Variants in EVC2 observed in about 807,000 individuals in gnomAD.
EVC2 encodes EvC ciliary complex subunit 2, also known as limbin.
EVC2 carries 148 observed loss-of-function variants against 149.3 expected under a neutral mutation model. The ratio of observed to expected loss-of-function variants is 0.99; its 90% CI spans 0.87 to 1.14. The LOEUF (loss-of-function observed/expected upper bound fraction) is 1.14. EVC2 is among the 50% of genes most tolerant of loss of function. EVC2 has a pLI of 0.00. For synonymous variants in EVC2, 776 were observed against 649.9 expected, an observed-to-expected ratio of 1.19 and a Z score of -2.95; for missense variants, 1,854 against 1,627.3, an observed-to-expected ratio of 1.14 and a Z score of -2.40.
intron 16 of EVC2, among the ~76,000 whole-genome samples, chr4:5,600,709 A>T (rs1713905641): frequency 6.6e-6 from 1 of 152,254 alleles, no homozygotes; most frequent in Non-Finnish European, 1.5e-5. Context: ...CCCAAGTCAC[A>T]GAAAATGTAG....
intron 16 of EVC2, among the ~76,000 whole-genome samples, chr4:5,612,059 A>C (rs1181343420): frequency 6.6e-6 from 1 of 152,232 alleles, no homozygotes; most frequent in Non-Finnish European, 1.5e-5. Context: ...CCAAGACGGA[A>C]TGTTAAATAT....
chr4:5,691,190 C>A, intron 4 of EVC2, 75 bp downstream of exon 4: 1 of 1,314,074 alleles, frequency 7.6e-7, no homozygotes, highest in South Asian at 1.2e-5. Flanking sequence ...TTCTTAAATA[C>A]ATGACTCTAA....
intron 5 of EVC2, among the ~76,000 whole-genome samples, chr4:5,688,806 G>A (rs1446471048): frequency 2.0e-5 from 3 of 152,134 alleles, no homozygotes; most frequent in African/African-American, 7.2e-5. Context: ...GTTAATTTTG[G>A]TGATCTGAGT....
At chr4:5,658,875 T>C (rs967969684) in intron 9 of EVC2, among the ~76,000 whole-genome samples, 2 of 152,172 alleles carry the variant, frequency 1.3e-5, no homozygotes, top group African/African-American at 2.4e-5. Context: ...AGCTAAAACA[T>C]GCTCGGCACT....
rs527571756 is a variant in EVC2 at position 5,631,946 on chromosome 4, T to C, written c.1557A>G (p.Glu519=). 6 of 1,614,210 alleles carry C rather than the reference T, an allele frequency of 3.7e-6. 1 individual carries two copies. The Admixed American group carries it at 8.3e-5, about 22-fold the overall frequency. Reference sequence around the variant, plus strand: ...GTCTGTGAGCTTTGGCAAAGTCTTCTTCTTGTTGCAAAGCGAGAGACTTCC... The same window carrying C: ...GTCTGTGAGCTTTGGCAAAGTCTTCCTCTTGTTGCAAAGCGAGAGACTTCC... ...HLRKSLALQQ[E]EDFAKAHRQL... The change falls in exon 11 of 22, where the codon GAA becomes GAG. Residue 519 remains glutamate, a synonymous_variant. Coordinates refer to ENST00000344408, the MANE Select transcript of EVC2 (RefSeq NM_147127.5).
rs1231370549 is a variant in EVC2 at position 5,637,447 on chromosome 4, C to T, written c.1470+3067G>A. Among the ~76,000 whole-genome samples the T allele has an allele frequency of 2.0e-5, 3 of 150,560 alleles. No homozygotes were observed. Among genetic ancestry groups the T allele is most frequent in the African/African-American group, 7.3e-5 (3 of 41,254 alleles). On this transcript the variant is annotated intron_variant, in intron 10 of 21. Coordinates refer to ENST00000344408, the MANE Select transcript of EVC2 (RefSeq NM_147127.5). This position sits in a 1 kb window ranked among gnomAD's most constrained non-coding sequence, Gnocchi z 4.4. ...CTACCTCACTGAGTTGTTGTGAACG[C>T]TAAAGAGAGTCAATGGGATGTGCTT...
the EVC2 span, among the ~76,000 whole-genome samples, chr4:5,536,740 C>T: frequency 2.9e-3 from 444 of 151,562 alleles, 1 homozygote; most frequent in Non-Finnish European, 5.1e-3. Context: ...GCAGAGATCA[C>T]GCCACTGCAC....
At chr4:5,552,061 T>G (rs768161538) in intron 21 of EVC2, among the ~76,000 whole-genome samples, 5 of 152,198 alleles carry the variant, frequency 3.3e-5, no homozygotes, top group Non-Finnish European at 7.3e-5. Context: ...CACCCCTCAT[T>G]CCTTTTTCCA....
chr4:5,641,039 C>T (rs766137861), intron 9 of EVC2, among the ~76,000 whole-genome samples: 9 of 152,016 alleles, frequency 5.9e-5, no homozygotes, highest in South Asian at 2.1e-4. Flanking sequence ...TTGTAAGGTA[C>T]CATGTGATGT....
rs1022895591 is a variant in EVC2 at position 5,679,665 on chromosome 4, C to T, written c.870+1595G>A. Reference sequence around the variant, plus strand: ...TAAGTTCTGGGATACATATGCAGAACGTGCAGGTTTGTTACATAGGTATAC... The same window carrying T: ...TAAGTTCTGGGATACATATGCAGAATGTGCAGGTTTGTTACATAGGTATAC... On this transcript the variant is annotated intron_variant, in intron 7 of 21. Transcript: ENST00000344408. This position sits in a 1 kb window ranked among gnomAD's most constrained non-coding sequence, Gnocchi z 5.1. 3.3e-5 allele frequency among the ~76,000 whole-genome samples: 5 copies of T among 151,800 alleles called. No homozygotes were observed. The highest frequency in any genetic ancestry group is 9.7e-5 in the African/African-American group (4 of 41,318).
intron 17 of EVC2, among the ~76,000 whole-genome samples, chr4:5,582,653 G>A (rs1711905100): frequency 6.6e-6 from 1 of 152,180 alleles, no homozygotes; most frequent in Admixed American, 6.5e-5. Context: ...TGTTGGGAAG[G>A]CATGATTATA....
chr4:5,642,172 C>A (rs956502104), intron 9 of EVC2, among the ~76,000 whole-genome samples: 3 of 152,168 alleles, frequency 2.0e-5, no homozygotes, highest in African/African-American at 7.2e-5. Context: ...TTTTCTTTAT[C>A]CAGTCTATCA....
chr4:5,668,110 T>C (rs1223588328), intron 7 of EVC2, among the ~76,000 whole-genome samples: 1 of 152,240 alleles, frequency 6.6e-6, no homozygotes, highest in Non-Finnish European at 1.5e-5. Context: ...ATTAGTTTAA[T>C]TCAAAATGGC....
chr4:5,621,383 T>C (rs1462710876), intron 14 of EVC2, among the ~76,000 whole-genome samples: 7 of 152,214 alleles, frequency 4.6e-5, no homozygotes, highest in Non-Finnish European at 1.0e-4. Context: ...ATGATTTGAT[T>C]TAGTTTTTGT....
chr4:5,698,730 G>C (rs894000322), intron 1 of EVC2, among the ~76,000 whole-genome samples: 1 of 152,250 alleles, frequency 6.6e-6, no homozygotes, highest in African/African-American at 2.4e-5. Context: ...CCAGTCTACA[G>C]TAATGAGATA....
At chr4:5,563,496 G>A (rs192048442) in intron 21 of EVC2, among the ~76,000 whole-genome samples, 2 of 152,286 alleles carry the variant, frequency 1.3e-5, no homozygotes, top group East Asian at 1.9e-4. Context: ...ACAGGCGCGT[G>A]CAACCATGCC....
chr4:5,601,646 G>C (rs1560155391), intron 16 of EVC2, among the ~76,000 whole-genome samples: 1 of 152,158 alleles, frequency 6.6e-6, no homozygotes, highest in Non-Finnish European at 1.5e-5. Context: ...TTCTAGATTG[G>C]TCAAACTATC....
chr4:5,678,510 A>G (rs1219350699), intron 7 of EVC2, among the ~76,000 whole-genome samples: 1 of 152,206 alleles, frequency 6.6e-6, no homozygotes, highest in Non-Finnish European at 1.5e-5. Context: ...GTACAACTAC[A>G]GGCATGCATC....
intron 7 of EVC2, among the ~76,000 whole-genome samples, chr4:5,675,123 TATAA>T (rs534164963): frequency 6.6e-4 from 101 of 152,318 alleles, no homozygotes; most frequent in Middle Eastern, 3.4e-3. Flanking sequence ...TTCCATCTCT[TATAA>T]ATTAAGATGC....
Sources: allele counts gnomAD v4.1 joint callset (sites outside exome capture counted in the v4.1 genomes callset), GRCh38; gene constraint gnomAD v4.1.1; non-coding constraint Gnocchi (gnomAD v3.1); transcripts MANE v1.5; gene names NCBI Gene and HGNC (gene_info 2026-07-23, HGNC 2026-07-21).